Variants in ZAN observed in about 807,000 individuals in gnomAD.
ZAN encodes zonadhesin (gene/pseudogene).
ZAN carries 260 observed loss-of-function variants against 286.2 expected under a neutral mutation model. The observed-to-expected ratio is 0.91, with a 90% CI of 0.82 to 1.01. ZAN has a LOEUF of 1.01. Ranked by LOEUF, ZAN falls within the 50% of genes least tolerant of loss-of-function variation. ZAN has a pLI of 0.00. For synonymous variants in ZAN, 1,368 were observed against 1,417.5 expected (o/e 0.97, Z 0.79); for missense variants, 3,410 against 3,639.2 (o/e 0.94, Z 1.62).
chr7:100,770,581 C>G (rs536897039), intron 28 of ZAN, among the ~76,000 whole-genome samples: 1 of 151,852 alleles, frequency 6.6e-6, no homozygotes, highest in South Asian at 2.1e-4. Flanking sequence ...ACTATGGACC[C>G]CAAGGGATCC....
In ZAN at chr7:100,767,215, CT is replaced by C; in HGVS notation, c.4821del (p.Phe1607LeufsTer15). 2 of 1,613,114 alleles carry C rather than the reference CT, an allele frequency of 1.2e-6. No homozygotes were observed. ...SYIKAVHVTV[F>X]DLSISLLRGC... Reference sequence around the variant, plus strand: ...ACATCAAAGCCGTCCACGTGACAGTCTTTGACCTCAGCATCTCACTGCTCAG... The same window carrying C: ...ACATCAAAGCCGTCCACGTGACAGTCTTGACCTCAGCATCTCACTGCTCAG... On this transcript the variant is annotated frameshift_variant, in exon 25 of 48. Coordinates refer to ENST00000613979, the MANE Select transcript of ZAN (RefSeq NM_003386.3). LOFTEE classifies it high-confidence loss of function.
In ZAN at chr7:100,739,937, C is replaced by G. The variant is rs1017493339; in HGVS notation, c.766+1324C>G. 3.5e-5 allele frequency among the ~76,000 whole-genome samples: 5 copies of G among 141,706 alleles called. 1 individual carries two copies. In the East Asian group the frequency reaches 1.0e-3, roughly 29 times the overall value. The allele number at this position is 141,706 out of a possible 152,430, so 93.0% of individuals were successfully genotyped here. A position where few individuals can be genotyped will look rare whatever the true frequency, so the allele number is the denominator to read the frequency against. On this transcript the variant is annotated intron_variant, in intron 7 of 47. Transcript: ENST00000613979. ...CCTCCCAAAGTGCTGGGATTATAGG[C>G]GTTGAGCCACTGTGCCTGGGCGAGT...
In ZAN at chr7:100,737,056, C is replaced by G; in HGVS notation, c.501C>G (p.Pro167=). The change falls in exon 5 of 48, where the codon CCC becomes CCG. Residue 167 remains proline (P), a synonymous_variant. Coordinates refer to ENST00000613979, the MANE Select transcript of ZAN (RefSeq NM_003386.3). ...GGATGCTCACCACCGTCACTGTGCC[C>G]GCAGGGTTCACCCTGCCCACCCGGG... ...PSWMLTTVTV[P]AGFTLPTRLM... 1 of 1,497,732 alleles carries G rather than the reference C, an allele frequency of 6.7e-7. No individual in the cohort carries two copies. The allele number at this position is 1,497,732 out of a possible 1,614,324, so 92.8% of individuals were successfully genotyped here.
chr7:100,783,312 G>A (rs1811311529), intron 35 of ZAN, among the ~76,000 whole-genome samples: 1 of 151,934 alleles, frequency 6.6e-6, no homozygotes, highest in African/African-American at 2.4e-5. Context: ...CAAAATAAAC[G>A]ACTTATGGAG....
At chr7:100,791,134 G>A (rs746621658) in intron 40 of ZAN, 21 bp downstream of exon 40, 1 of 1,600,636 alleles carries the variant, frequency 6.2e-7, no homozygotes. Context: ...TGGAAGGGAT[G>A]AGGCGGGGGA....
intron 45 of ZAN, among the ~76,000 whole-genome samples, chr7:100,796,927 AGG>A (rs1241470883): frequency 3.9e-5 from 6 of 152,124 alleles, no homozygotes; most frequent in African/African-American, 1.4e-4. Flanking sequence ...CACTTGAGCC[AGG>A]AGTTCAAGAC....
rs553313904 is a variant in ZAN at position 100,796,054 on chromosome 7, T to C, written c.8266+718T>C. Among the ~76,000 whole-genome samples the C allele has an allele frequency of 2.6e-5, 4 of 152,194 alleles. No homozygotes were observed. In the East Asian group the frequency reaches 7.7e-4, roughly 29 times the overall value. On this transcript the variant is annotated intron_variant, in intron 45 of 47. Coordinates refer to ENST00000613979, the MANE Select transcript of ZAN (RefSeq NM_003386.3). ...AAGATCACGCTACTGCGCTCCAGCC[T>C]GGGCGACCAAGACTCCATCTCAAAA...
intron 14 of ZAN, 49 bp downstream of exon 14, chr7:100,753,278 A>G (rs777675712): frequency 6.6e-7 from 1 of 1,513,246 alleles, no homozygotes; most frequent in Admixed American, 2.2e-5. Context: ...AGAGACAATG[A>G]CTAGGAGACA....
intron 40 of ZAN, among the ~76,000 whole-genome samples, chr7:100,791,647 T>G (rs314336): frequency 0.42 from 64,132 of 152,042 alleles, 15,085 homozygotes; most frequent in Middle Eastern, 0.67. Context: ...CCTCAAGGGA[T>G]CTGCCCACCT....
At position 100,736,523 on chromosome 7, in the gene ZAN, C is replaced by G; in HGVS notation, c.147C>G (p.Pro49=). The G allele has an allele frequency of 6.6e-7, 1 of 1,524,138 alleles. No homozygotes were observed. The highest frequency in any genetic ancestry group is 2.3e-5 in the East Asian group (1 of 43,892). The allele number at this position is 1,524,138 out of a possible 1,614,324, so 94.4% of individuals were successfully genotyped here. A position where few individuals can be genotyped will look rare whatever the true frequency, so the allele number is the denominator to read the frequency against. ...GTGATTTTGAGGATGACGCCAAACCCCTCTGTGACTGGTCCCAAGTGTCCG... is the reference window on the plus strand; with the variant it reads ...GTGATTTTGAGGATGACGCCAAACCGCTCTGTGACTGGTCCCAAGTGTCCG... ...TQCDFEDDAK[P]LCDWSQVSAD... is the part of the protein sequence containing the mutation. The change falls in exon 4 of 48, where the codon CCC becomes CCG. Residue 49 remains proline, a synonymous_variant. Transcript: ENST00000613979.
intron 25 of ZAN, 125 bp downstream of exon 25, chr7:100,767,382 T>C: frequency 2.2e-6 from 3 of 1,376,722 alleles, no homozygotes; most frequent in Non-Finnish European, 9.7e-7. Flanking sequence ...CACCTGCAGC[T>C]GACCCAGACC....
intron 39 of ZAN, among the ~76,000 whole-genome samples, chr7:100,789,656 T>C (rs117830768): frequency 0.032 from 4,758 of 150,640 alleles, 93 homozygotes; most frequent in Non-Finnish European, 0.045. Context: ...ACAAAAAAAA[T>C]TTTAAAGGCC....
chr7:100,764,115 T>C lies in ZAN; in HGVS notation c.4186T>C (p.Cys1396Arg), dbSNP rs773290513. ...CGFQGLQHLL[C>R]THMSTMTTTC... Reference sequence around the variant, plus strand: ...ATTCCAGGGGCTGCAGCACCTGCTGTGCACACACATGTCCACCATGACCAC... The same window carrying C: ...ATTCCAGGGGCTGCAGCACCTGCTGCGCACACACATGTCCACCATGACCAC... Residue 1396 changes from cysteine (C) to arginine (R), a missense_variant, in exon 22 of 48, where the codon TGC (cysteine) becomes CGC (arginine). Physicochemically the swap from Cys to Arg is radical, Grantham distance 180. This residue lies in a region of ZAN where 1,042 missense variants were observed against 1,058.0 expected (regional missense o/e 0.98). Coordinates refer to ENST00000613979, the MANE Select transcript of ZAN (RefSeq NM_003386.3). The C allele has an allele frequency of 9.1e-5, 146 of 1,613,010 alleles. No homozygotes were observed. Among genetic ancestry groups the C allele is most frequent in the Admixed American group, 1.3e-4 (8 of 59,844 alleles).
chr7:100,767,796 T>C (rs1206810008), intron 25 of ZAN, 35 bp from the exon 26 acceptor site: 1 of 1,591,640 alleles, frequency 6.3e-7, no homozygotes, highest in Non-Finnish European at 8.6e-7. Flanking sequence ...AGTTCTTTCC[T>C]GACTCTCCTT....
chr7:100,762,380 CG>C, intron 20 of ZAN, 22 bp downstream of exon 20: 1 of 1,583,512 alleles, frequency 6.3e-7, no homozygotes, highest in Non-Finnish European at 8.6e-7. Context: ...GCCCTCCCAC[CG>C]GGGCCCTGGG....
At chr7:100,768,177 A>G (rs1810131724) in intron 26 of ZAN, among the ~76,000 whole-genome samples, 166 bp downstream of exon 26, 1 of 152,192 alleles carries the variant, frequency 6.6e-6, no homozygotes, top group Admixed American at 6.6e-5. Context: ...ACGGAGATGA[A>G]GAGACAGAAA....
intron 22 of ZAN, 67 bp downstream of exon 22, chr7:100,764,263 G>T: frequency 7.0e-7 from 1 of 1,433,238 alleles, no homozygotes; most frequent in African/African-American, 1.4e-5. Context: ...CCAGCACTTT[G>T]GGAGTCCGAG....
intron 34 of ZAN, among the ~76,000 whole-genome samples, chr7:100,776,858 G>A (rs1359203605): frequency 1.0e-4 from 14 of 139,888 alleles, no homozygotes; most frequent in African/African-American, 2.9e-4. Context: ...TCAGCCTCCC[G>A]AGTAGCTGGG....
chr7:100,775,810 A>G lies in ZAN; in HGVS notation c.6169A>G (p.Ile2057Val). 6.2e-7 allele frequency: 1 copy of G among 1,613,788 alleles called. No homozygotes were observed. ...FDGNHLLEIE[I>V]PTTYYGKVCG... Reference sequence around the variant, plus strand: ...CGGGAATCATCTCTTAGAGATTGAAATCCCCACAACCTACTATGGAAAGGT... The same window carrying G: ...CGGGAATCATCTCTTAGAGATTGAAGTCCCCACAACCTACTATGGAAAGGT... Residue 2057 changes from isoleucine (I) to valine (V), a missense_variant, in exon 33 of 48, where the codon ATC (isoleucine) becomes GTC (valine). By Grantham distance (29) the Ile-to-Val change is conservative. Transcript: ENST00000613979.
Sources: allele counts gnomAD v4.1 joint callset (sites outside exome capture counted in the v4.1 genomes callset), GRCh38; gene constraint gnomAD v4.1.1; regional missense constraint gnomAD v4.1.1; transcripts MANE v1.5; gene names NCBI Gene and HGNC (gene_info 2026-07-23, HGNC 2026-07-21).